CCDC171: variants seen among roughly 807,000 people sequenced by gnomAD.
The protein encoded by CCDC171 is coiled-coil domain containing 171, also known as coiled-coil domain-containing protein 171.
In CCDC171, 177 loss-of-function variants were observed where a neutral mutation model predicts 168.2. The observed-to-expected ratio is 1.05, with a 90% CI of 0.93 to 1.19. CCDC171 has a LOEUF of 1.19. Among genes scored for constraint, CCDC171 ranks in the 50% most tolerant of loss-of-function variants. The pLI, the probability that CCDC171 is intolerant of heterozygous loss-of-function variation, is 0.00. For synonymous variants in CCDC171, 687 were observed against 540.8 expected (o/e 1.27, Z -3.75); for missense variants, 1,991 against 1,539.0 (o/e 1.29, Z -4.91).
At chr9:15,731,801 A>G (rs1036099845) in intron 16 of CCDC171, among the ~76,000 whole-genome samples, 1 of 152,064 alleles carries the variant, frequency 6.6e-6, no homozygotes, top group African/African-American at 2.4e-5. Flanking sequence ...GTCATTTTTT[A>G]TTCCCACCAG....
chr9:15,591,885 C>T (rs752035901), intron 5 of CCDC171, among the ~76,000 whole-genome samples: 5 of 151,976 alleles, frequency 3.3e-5, no homozygotes, highest in African/African-American at 9.7e-5. Flanking sequence ...GAAATATGGG[C>T]CCTGGATTTT....
intron 6 of CCDC171, among the ~76,000 whole-genome samples, chr9:15,603,987 A>G (rs2043048016): frequency 6.6e-6 from 1 of 151,392 alleles, no homozygotes; most frequent in African/African-American, 2.4e-5. Flanking sequence ...TTTGACTTGC[A>G]TTTCTCTGAT....
intron 25 of CCDC171, among the ~76,000 whole-genome samples, chr9:15,970,335 A>C (rs893355130): frequency 3.9e-5 from 6 of 152,202 alleles, no homozygotes; most frequent in Admixed American, 2.6e-4. Flanking sequence ...TGACATAATA[A>C]AGCACACCTT....
At chr9:15,897,828 A>G (rs548642875) in intron 24 of CCDC171, among the ~76,000 whole-genome samples, 1 of 152,316 alleles carries the variant, frequency 6.6e-6, no homozygotes, top group South Asian at 2.1e-4. Context: ...CAAATAAACA[A>G]ACATCAACCA....
chr9:16,031,236 A>T (rs1833360339), intron 6 of CCDC171, among the ~76,000 whole-genome samples: 2 of 152,208 alleles, frequency 1.3e-5, no homozygotes, highest in Admixed American at 1.3e-4. Flanking sequence ...ACACCAATGC[A>T]TGTTCCACAT....
chr9:15,567,017 T>C (rs2039787814), intron 2 of CCDC171, among the ~76,000 whole-genome samples: 1 of 146,866 alleles, frequency 6.8e-6, no homozygotes, highest in Admixed American at 7.3e-5. Context: ...GATATATTGA[T>C]CTACATGTCC....
chr9:16,005,945 C>T (rs552594208), intron 3 of CCDC171, among the ~76,000 whole-genome samples: 117 of 151,900 alleles, frequency 7.7e-4, no homozygotes, highest in Non-Finnish European at 1.6e-3. Flanking sequence ...AGTCTCGTCT[C>T]ACCTCCTGGG....
intron 6 of CCDC171, among the ~76,000 whole-genome samples, chr9:15,612,098 A>G (rs796762892): frequency 3.3e-5 from 5 of 152,294 alleles, no homozygotes; most frequent in African/African-American, 1.2e-4. Context: ...CAACACCTTG[A>G]TCTTGTATTT....
intron 1 of CCDC171, among the ~76,000 whole-genome samples, chr9:16,059,313 T>G (rs1222584802): frequency 6.6e-6 from 1 of 152,080 alleles, no homozygotes; most frequent in African/African-American, 2.4e-5. Flanking sequence ...AGTTGAGTGG[T>G]GGGGTTGGAA....
intron 25 of CCDC171, among the ~76,000 whole-genome samples, chr9:15,928,323 A>C (rs1375500862): frequency 2.6e-5 from 4 of 151,764 alleles, no homozygotes; most frequent in African/African-American, 7.2e-5. Flanking sequence ...TCTCAGTTGA[A>C]AAAAATGAAG....
Position 15,846,821 on chromosome 9 carries a change from A to G in CCDC171, c.3387A>G (p.Ala1129=). ...GACTGGAGGAGAACATCCATGATGC[A>G]GAGAGTGCCCTCCGCATGGCAGCCA... ...KRRLEENIHD[A]ESALRMAAKD... The change falls in exon 22 of 26, where the codon GCA becomes GCG. Residue 1129 remains alanine, a synonymous_variant. Coordinates refer to ENST00000380701, the MANE Select transcript of CCDC171 (RefSeq NM_173550.4). 6.2e-7 allele frequency: 1 copy of G among 1,609,512 alleles called. No homozygotes were observed. The highest frequency in any genetic ancestry group is 8.5e-7 in the Non-Finnish European group (1 of 1,177,600).
intron 16 of CCDC171, among the ~76,000 whole-genome samples, chr9:15,736,221 T>C (rs571690677): frequency 6.6e-6 from 1 of 152,218 alleles, no homozygotes; most frequent in African/African-American, 2.4e-5. Flanking sequence ...GTTTTTACCA[T>C]CCTTATCTTC....
intron 7 of CCDC171, among the ~76,000 whole-genome samples, chr9:15,639,679 G>T (rs1366345810): frequency 1.3e-5 from 2 of 152,070 alleles, no homozygotes; most frequent in African/African-American, 4.8e-5. Context: ...ACCATCCTCA[G>T]TGACTTTAAC....
chr9:15,748,201 A>T (rs1388694186), intron 18 of CCDC171, among the ~76,000 whole-genome samples: 1 of 152,194 alleles, frequency 6.6e-6, no homozygotes, highest in Non-Finnish European at 1.5e-5. Context: ...AGCAGATTTG[A>T]TCAAGCGGAA....
At chr9:15,782,579 T>C (rs953638339) in intron 20 of CCDC171, among the ~76,000 whole-genome samples, 5 of 152,174 alleles carry the variant, frequency 3.3e-5, no homozygotes, top group Admixed American at 1.3e-4. Context: ...GGAAAGATCT[T>C]TATTCACTTG....
At chr9:16,043,106 C>T (rs1833599618) in intron 1 of CCDC171, among the ~76,000 whole-genome samples, 1 of 152,072 alleles carries the variant, frequency 6.6e-6, no homozygotes, top group South Asian at 2.1e-4. Flanking sequence ...TTGAAATATG[C>T]AAGGTCCAAG....
intron 16 of CCDC171, among the ~76,000 whole-genome samples, chr9:15,736,406 A>G (rs2054495806): frequency 6.6e-6 from 1 of 151,932 alleles, no homozygotes; most frequent in Admixed American, 6.5e-5. Flanking sequence ...ACTAGAGGTC[A>G]GTCGTGCGAT....
At chr9:15,774,175 G>A (rs1196320943) in intron 18 of CCDC171, among the ~76,000 whole-genome samples, 1 of 148,128 alleles carries the variant, frequency 6.8e-6, no homozygotes, top group African/African-American at 2.5e-5. Flanking sequence ...GAACCCAGGT[G>A]GCATAGGTTG....
At position 15,780,799 on chromosome 9, in the gene CCDC171, G is replaced by T. The variant is rs540286917; in HGVS notation, c.3081+1649G>T. 5.9e-5 allele frequency among the ~76,000 whole-genome samples: 9 copies of T among 152,188 alleles called. No individual in the cohort carries two copies. The East Asian group carries it at 1.7e-3, about 29-fold the overall frequency. On this transcript the variant is annotated intron_variant, in intron 20 of 25. Transcript: ENST00000380701. ...ATTATTAATTTCATTTTAGTTAAAT[G>T]AATACTAGTGTGTCATATGAATGTA... is the stretch of plus-strand genomic sequence containing the variant.
Sources: gnomAD v4.1 joint callset for allele counts (sites outside exome capture counted in the v4.1 genomes callset) on GRCh38, gnomAD v4.1.1 for gene constraint, MANE v1.5 for transcripts, NCBI Gene and HGNC (gene_info 2026-07-23, HGNC 2026-07-21) for gene names.